ATF7: variants seen among roughly 807,000 people sequenced by gnomAD.
ATF7 encodes the protein activating transcription factor 7.
Under a neutral mutation model 50.4 loss-of-function variants are expected in ATF7, and 10 were observed. The observed-to-expected ratio is 0.20, with a 90% CI of 0.12 to 0.34. ATF7 has a LOEUF of 0.34. Among genes scored for constraint, ATF7 ranks in the 10% least tolerant of loss-of-function variants. The pLI, the probability that ATF7 is intolerant of heterozygous loss-of-function variation, is 1.00. For synonymous variants in ATF7, 201 were observed against 226.4 expected (o/e 0.89, Z 1.01); for missense variants, 465 against 613.9 (o/e 0.76, Z 2.56).
chr12:53,587,104 C>T lies in ATF7; in HGVS notation c.48+13849G>A, dbSNP rs565900298. Among the ~76,000 whole-genome samples the T allele has an allele frequency of 6.6e-5, 10 of 152,280 alleles. No individual in the cohort carries two copies. In the South Asian group the frequency reaches 1.2e-3, roughly 19 times the overall value. On this transcript the variant is annotated intron_variant, in intron 2 of 11. Coordinates refer to ENST00000420353, the MANE Select transcript of ATF7 (RefSeq NM_006856.3). The stretch of plus-strand genomic sequence containing the variant: ...AAAATGTGCTGGGCACGGTGGCTCA[C>T]GCCTCTAATCCCAACACTTTGGGAG...
intron 3 of ATF7, among the ~76,000 whole-genome samples, chr12:53,550,331 A>AAATAAAT (rs1555218972): frequency 0.066 from 8,141 of 123,444 alleles, 386 homozygotes; most frequent in Non-Finnish European, 0.088. Context: ...CTCAAAAAAA[A>AAATAAAT]AAATAAATAA....
In ATF7 at chr12:53,585,048, C is replaced by T. The variant is rs139321535; in HGVS notation, c.48+15905G>A. ...TGTGCAGTGGCACAATCATGGCTCA[C>T]TGCAGCCTTGACCTCCCGGGCTCAA... is the stretch of plus-strand genomic sequence containing the variant. On this transcript the variant is annotated intron_variant, in intron 2 of 11. Coordinates refer to ENST00000420353, the MANE Select transcript of ATF7 (RefSeq NM_006856.3). Among the ~76,000 whole-genome samples the T allele has an allele frequency of 8.3e-3, 1,264 of 152,324 alleles. 13 individuals are homozygous for T. The highest frequency in any genetic ancestry group is 0.029 in the African/African-American group (1,201 of 41,568).
chr12:53,550,008 G>A (rs991161357), intron 3 of ATF7, among the ~76,000 whole-genome samples: 3 of 152,044 alleles, frequency 2.0e-5, no homozygotes, highest in Admixed American at 1.3e-4. Flanking sequence ...GTGAGCCACC[G>A]CGTCCAGCCT....
intron 2 of ATF7, among the ~76,000 whole-genome samples, chr12:53,589,991 A>G (rs1942875508): frequency 6.6e-6 from 1 of 151,934 alleles, no homozygotes; most frequent in Non-Finnish European, 1.5e-5. Context: ...CTGATCTCGA[A>G]CCCCTGGCTT....
chr12:53,523,132 TG>T, intron 11 of ATF7, 143 bp downstream of exon 11: 1 of 614,020 alleles, frequency 1.6e-6, no homozygotes, highest in Non-Finnish European at 2.9e-6. Flanking sequence ...TTTCTAGGTC[TG>T]GTTGCTCCAC....
chr12:53,587,083 T>A (rs1402388898), intron 2 of ATF7, among the ~76,000 whole-genome samples: 2 of 152,092 alleles, frequency 1.3e-5, no homozygotes, highest in Admixed American at 6.6e-5. Flanking sequence ...AGAAGGAAAA[T>A]GTGCTGGGCA....
rs922425121 is a variant in ATF7, at chr12:53,517,189, G to A, written c.1400C>T (p.Pro467Leu). 4.3e-6 allele frequency: 7 copies of A among 1,613,828 alleles called. No individual in the cohort carries two copies. Among genetic ancestry groups the A allele is most frequent in the African/African-American group, 2.7e-5 (2 of 74,922 alleles). Residue 467 changes from proline to leucine, a missense_variant, in exon 12 of 12, where the codon CCG (proline) becomes CTG (leucine). Transcript: ENST00000420353. ...MASQRTELSM[P>L]IQSHVIMTPQ... ...GGTCATGATTACATGCGATTGTATC[G>A]GCATGCTCAGTTCTGTCCTTTGGCT...
chr12:53,529,849 T>A (rs1035906242), intron 9 of ATF7, among the ~76,000 whole-genome samples: 2 of 150,182 alleles, frequency 1.3e-5, no homozygotes, highest in African/African-American at 4.9e-5. Context: ...CAAGCAATTC[T>A]TCTGCCTCGG....
intron 2 of ATF7, among the ~76,000 whole-genome samples, chr12:53,565,658 A>C (rs964309145): frequency 3.3e-5 from 5 of 151,758 alleles, no homozygotes; most frequent in African/African-American, 1.2e-4. Context: ...ACACCCGGAT[A>C]ATTTTTATAG....
rs183820627 is a variant in ATF7 at position 53,612,372 on chromosome 12, C to T, written c.-21-11351G>A. Among the ~76,000 whole-genome samples the T allele has an allele frequency of 4.7e-4, 71 of 152,226 alleles. 1 individual carries two copies. The highest frequency in any genetic ancestry group is 1.5e-5 in the Non-Finnish European group (1 of 68,016). On this transcript the variant is annotated intron_variant, in intron 1 of 11. Transcript: ENST00000420353. ...CTCGATCTCGTCTCACTGCAACTTC[C>T]ACCTCCCGGGTTCAAGCGATTCTCC...
intron 3 of ATF7, among the ~76,000 whole-genome samples, chr12:53,546,366 C>T (rs1461408601): frequency 1.2e-5 from 1 of 81,304 alleles, no homozygotes; most frequent in Admixed American, 1.2e-4. Context: ...AGAGCCAGAA[C>T]CTGTCTCAAA....
In ATF7 at chr12:53,534,545, T is replaced by G. The variant is rs755660019; in HGVS notation, c.517A>C (p.Thr173Pro). Residue 173 changes from threonine (T) to proline (P), a missense_variant, in exon 6 of 12, where the codon ACC (threonine) becomes CCC (proline). Transcript: ENST00000420353. Reference sequence around the variant, plus strand: ...GGTGGAGCCTGTGTGATGACAGAGGTTGGGGAGGGAAGGGTTGGATGAAGT... The same window carrying G: ...GGTGGAGCCTGTGTGATGACAGAGGGTGGGGAGGGAAGGGTTGGATGAAGT... Reference protein sequence around the residue: ...DPLHPTLPSPTSVITQAPPSN... With the variant: ...DPLHPTLPSPPSVITQAPPSN... The G allele has an allele frequency of 1.2e-6, 2 of 1,613,372 alleles. No individual in the cohort carries two copies. Among genetic ancestry groups the G allele is most frequent in the African/African-American group, 1.3e-5 (1 of 74,794 alleles).
intron 1 of ATF7, among the ~76,000 whole-genome samples, chr12:53,618,949 G>A (rs1944261618): frequency 6.6e-6 from 1 of 151,764 alleles, no homozygotes; most frequent in Non-Finnish European, 1.5e-5. Context: ...CTACTTGGGA[G>A]GCTGAGGCAT....
In ATF7 at chr12:53,539,282, A is replaced by G. The variant is rs1403190691; in HGVS notation, c.265-1730T>C. ...TGAATTTGCCTATAATAAATTGGGTATAAAATCCCTCATAGGCCAAGTGTG... is the reference window on the plus strand; with the variant it reads ...TGAATTTGCCTATAATAAATTGGGTGTAAAATCCCTCATAGGCCAAGTGTG... On this transcript the variant is annotated intron_variant, in intron 4 of 11. Coordinates refer to ENST00000420353, the MANE Select transcript of ATF7 (RefSeq NM_006856.3). Among the ~76,000 whole-genome samples, 9 of 152,354 alleles carry G rather than the reference A, an allele frequency of 5.9e-5. No homozygotes were observed. The East Asian group carries it at 1.7e-3, about 29-fold the overall frequency.
intron 2 of ATF7, among the ~76,000 whole-genome samples, chr12:53,583,244 C>G (rs1592928176): frequency 6.6e-6 from 1 of 152,286 alleles, no homozygotes; most frequent in East Asian, 1.9e-4. Flanking sequence ...ACTTGCATTA[C>G]AGCCAGAACT....
intron 3 of ATF7, among the ~76,000 whole-genome samples, chr12:53,544,764 A>C (rs1318398687): frequency 6.6e-6 from 1 of 151,958 alleles, no homozygotes; most frequent in Non-Finnish European, 1.5e-5. Flanking sequence ...AACAAACAAA[A>C]AAACCCAAAA....
chr12:53,603,229 A>G (rs1477056816), intron 1 of ATF7, among the ~76,000 whole-genome samples: 1 of 152,048 alleles, frequency 6.6e-6, no homozygotes, highest in Non-Finnish European at 1.5e-5. Context: ...TGGCATAGGA[A>G]GTGGTGAAAT....
At chr12:53,621,037 T>C (rs1944358681) in intron 1 of ATF7, among the ~76,000 whole-genome samples, 1 of 152,222 alleles carries the variant, frequency 6.6e-6, no homozygotes, top group South Asian at 2.1e-4. Context: ...TATGCAGTGA[T>C]CTATAAACAG....
At chr12:53,617,082 C>T (rs554820558) in intron 1 of ATF7, among the ~76,000 whole-genome samples, 1 of 152,090 alleles carries the variant, frequency 6.6e-6, no homozygotes, top group Non-Finnish European at 1.5e-5. Context: ...GAGTGCAGTG[C>T]TGCAACCTGG....
Sources: allele counts gnomAD v4.1 joint callset (sites outside exome capture counted in the v4.1 genomes callset), GRCh38; gene constraint gnomAD v4.1.1; transcripts MANE v1.5; gene names NCBI Gene and HGNC (gene_info 2026-07-23, HGNC 2026-07-21).